PKHD1: variants seen among roughly 807,000 people sequenced by gnomAD.
The protein encoded by PKHD1 is PKHD1 ciliary IPT domain containing fibrocystin/polyductin.
In PKHD1, 291 loss-of-function variants were observed where a neutral mutation model predicts 412.0. The ratio of observed to expected loss-of-function variants is 0.71; its 90% CI spans 0.64 to 0.78. The LOEUF is 0.78. Among genes scored for constraint, PKHD1 ranks in the 30% least tolerant of loss-of-function variants. PKHD1 has a pLI of 0.00. For missense variants in PKHD1, 4,825 were observed against 4,950.7 expected (o/e 0.97, Z 0.76); for synonymous variants, 1,777 against 1,821.5 (o/e 0.98, Z 0.62).
At chr6:51,721,444 AAGAG>A (rs530334581) in intron 60 of PKHD1, 4 of 697,802 alleles carry the variant, frequency 5.7e-6, no homozygotes, top group South Asian at 6.5e-5. Flanking sequence ...ATTGGTAAAG[AAGAG>A]AGAAATAAAA....
At position 51,755,470 on chromosome 6, in the gene PKHD1, T is replaced by G. The variant is rs112509038; in HGVS notation, c.8643-532A>C. ...GTGTGACCTTGAGAAGTCACTTCAC[T>G]CCTCGGCTTCATATCCTCATCTGAA... is the stretch of plus-strand genomic sequence containing the variant. On this transcript the variant is annotated intron_variant, in intron 55 of 66. Coordinates refer to ENST00000371117, the MANE Select transcript of PKHD1 (RefSeq NM_138694.4). 6.9e-3 allele frequency among the ~76,000 whole-genome samples: 1,055 copies of G among 152,272 alleles called. 5 individuals carry two copies. Among genetic ancestry groups the G allele is most frequent in the Non-Finnish European group, 0.013 (863 of 68,006 alleles).
chr6:51,989,901 G>GAGGAAGGAAGGAAAGAAGGA (rs1796696651), intron 35 of PKHD1, among the ~76,000 whole-genome samples: 1 of 2,742 alleles, frequency 3.6e-4, no homozygotes, highest in Non-Finnish European at 6.4e-4. Flanking sequence ...AGGAAGGAGG[G>GAGGAAGGAAGGAAAGAAGGA]AGGAAGGAAG....
At chr6:51,842,899 C>T (rs1233758876) in intron 50 of PKHD1, among the ~76,000 whole-genome samples, 2 of 152,196 alleles carry the variant, frequency 1.3e-5, no homozygotes, top group African/African-American at 4.8e-5. Flanking sequence ...TGGACTCTGA[C>T]ATACCAGACC....
chr6:51,971,289 GA>G (rs1335520465), intron 35 of PKHD1, among the ~76,000 whole-genome samples: 1 of 152,118 alleles, frequency 6.6e-6, no homozygotes, highest in East Asian at 1.9e-4. Context: ...CCACTATAAG[GA>G]CCTTCTTGAG....
rs1218125306 is a variant in PKHD1, at chr6:51,850,534, G to A, written c.7912-2564C>T. Among the ~76,000 whole-genome samples the A allele has an allele frequency of 2.6e-5, 4 of 152,196 alleles. No individual in the cohort carries two copies. In the East Asian group the frequency reaches 7.7e-4, roughly 29 times the overall value. On this transcript the variant is annotated intron_variant, in intron 49 of 66. Transcript: ENST00000371117. ...TTCTTCCTATCCATGAGCGTGGAAT[G>A]TCTTTCCATTTGTTTGTGTCCTCTC... is the stretch of plus-strand genomic sequence containing the variant.
At position 52,024,694 on chromosome 6, in the gene PKHD1, C is replaced by T; in HGVS notation, c.5116G>A (p.Val1706Ile). 2 of 1,614,196 alleles carry T rather than the reference C, an allele frequency of 1.2e-6. No individual in the cohort carries two copies. The highest frequency in any genetic ancestry group is 8.5e-7 in the Non-Finnish European group (1 of 1,180,044). The stretch of plus-strand genomic sequence containing the variant: ...TACTCCCCGGCCGGAAGGGAAGGGA[C>T]CACGCACTGAAGAACGGTGTGGTTA... ...SGNHTVLQCVVPSLPAGEYHV... is the reference protein window; with the variant it reads ...SGNHTVLQCVIPSLPAGEYHV... Residue 1706 changes from valine (V) to isoleucine (I), a missense_variant, in exon 32 of 67, where the codon GTC becomes ATC. Coordinates refer to ENST00000371117, the MANE Select transcript of PKHD1 (RefSeq NM_138694.4).
intron 60 of PKHD1, among the ~76,000 whole-genome samples, chr6:51,672,159 G>A (rs1775103854): frequency 6.6e-6 from 1 of 152,084 alleles, no homozygotes. Flanking sequence ...GTGACCTAGG[G>A]TCTGGCTTCT....
chr6:51,806,836 G>C (rs1028722907), intron 52 of PKHD1, among the ~76,000 whole-genome samples: 2 of 152,070 alleles, frequency 1.3e-5, no homozygotes, highest in African/African-American at 4.8e-5. Context: ...TGAGATATCT[G>C]AAAAGGAATA....
intron 37 of PKHD1, among the ~76,000 whole-genome samples, chr6:51,913,538 A>T (rs771174549): frequency 6.6e-6 from 1 of 152,016 alleles, no homozygotes; most frequent in Non-Finnish European, 1.5e-5. Flanking sequence ...CACATGGCTT[A>T]CTCCCTACTC....
intron 46 of PKHD1, 30 bp downstream of exon 46, chr6:51,883,063 A>G: frequency 6.3e-7 from 1 of 1,594,842 alleles, no homozygotes. Context: ...TGTGATTGAC[A>G]GCCTAAAACA....
rs953840118 is a variant in PKHD1 at position 51,909,196 on chromosome 6, C to T, written c.6682+87G>A. Reference sequence around the variant, plus strand: ...CCATCTCTAAATCCCTCAAATCCCACATATCATCTATCATTCCACCATGCA... The same window carrying T: ...CCATCTCTAAATCCCTCAAATCCCATATATCATCTATCATTCCACCATGCA... On this transcript the variant is annotated intron_variant, in intron 40 of 66. Transcript: ENST00000371117. 7.8e-6 allele frequency: 8 copies of T among 1,025,680 alleles called. No individual in the cohort carries two copies. The Admixed American group carries it at 1.2e-4, about 15-fold the overall frequency. The allele number at this position is 1,025,680 out of a possible 1,614,324, so 63.5% of individuals were successfully genotyped here.
chr6:51,768,815 T>C (rs1789565027), intron 55 of PKHD1, among the ~76,000 whole-genome samples: 1 of 151,706 alleles, frequency 6.6e-6, no homozygotes, highest in South Asian at 2.1e-4. Flanking sequence ...TTTGTATTAT[T>C]ACTTAAACCA....
At chr6:51,696,027 A>G (rs1043096919) in intron 60 of PKHD1, among the ~76,000 whole-genome samples, 1 of 152,238 alleles carries the variant, frequency 6.6e-6, no homozygotes, top group Non-Finnish European at 1.5e-5. Flanking sequence ...TTTCTTCAGA[A>G]GAAAGAATCT....
chr6:51,894,800 C>T (rs532549087), intron 43 of PKHD1, among the ~76,000 whole-genome samples: 1 of 152,274 alleles, frequency 6.6e-6, no homozygotes, highest in East Asian at 1.9e-4. Flanking sequence ...ACTATCATAC[C>T]AATGTCAATG....
chr6:51,836,743 A>G (rs1769299510), intron 50 of PKHD1, among the ~76,000 whole-genome samples: 2 of 152,212 alleles, frequency 1.3e-5, no homozygotes, highest in Non-Finnish European at 2.9e-5. Context: ...ACCTTTAGCC[A>G]TATGTTCTAA....
At chr6:51,729,974 A>T (rs1261126223) in intron 60 of PKHD1, among the ~76,000 whole-genome samples, 1 of 151,780 alleles carries the variant, frequency 6.6e-6, no homozygotes, top group Admixed American at 6.6e-5. Flanking sequence ...CAGTGCAAGA[A>T]CTCTTAACCT....
chr6:51,914,302 C>CA (rs1232567017), intron 37 of PKHD1, among the ~76,000 whole-genome samples: 1 of 151,962 alleles, frequency 6.6e-6, no homozygotes, highest in African/African-American at 2.4e-5. Flanking sequence ...AAACTATTAA[C>CA]AAAAAAGTTA....
At chr6:52,045,191 G>A in intron 24 of PKHD1, 103 bp from the exon 25 acceptor site, 1 of 1,128,616 alleles carries the variant, frequency 8.9e-7, no homozygotes, top group Non-Finnish European at 1.3e-6. Flanking sequence ...CAGATAATCA[G>A]ACAGCTAGAA....
chr6:51,755,685 A>T (rs1303980636), intron 55 of PKHD1, among the ~76,000 whole-genome samples: 1 of 152,192 alleles, frequency 6.6e-6, no homozygotes, highest in Non-Finnish European at 1.5e-5. Flanking sequence ...TCAACACCAT[A>T]AATTTAATTG....
Sources: gnomAD v4.1 joint callset for allele counts (sites outside exome capture counted in the v4.1 genomes callset) on GRCh38, gnomAD v4.1.1 for gene constraint, MANE v1.5 for transcripts, NCBI Gene and HGNC (gene_info 2026-07-23, HGNC 2026-07-21) for gene names.